Variants in DMXL2 observed in about 807,000 individuals in gnomAD.
DMXL2 encodes Dmx like 2, also known as dmX-like protein 2.
A neutral mutation model predicts 331.1 loss-of-function variants in DMXL2; 103 were observed. That is an observed-to-expected ratio of 0.31 (90% CI 0.27 to 0.37). DMXL2 has a LOEUF of 0.37. Among genes scored for constraint, DMXL2 ranks in the 10% least tolerant of loss-of-function variants. The pLI is 1.00. For synonymous variants in DMXL2, 1,281 were observed against 1,252.1 expected (o/e 1.02, Z -0.49); for missense variants, 3,171 against 3,642.9 (o/e 0.87, Z 3.33).
At chr15:51,459,022 G>C (rs576621807) in intron 34 of DMXL2, 83 of 497,226 alleles carry the variant, frequency 1.7e-4, no homozygotes, top group Non-Finnish European at 2.8e-4. Flanking sequence ...CACTGTGATG[G>C]TAAGATACTG....
chr15:51,517,713 T>G (rs1260242049), intron 13 of DMXL2, among the ~76,000 whole-genome samples: 1 of 152,218 alleles, frequency 6.6e-6, no homozygotes, highest in Admixed American at 6.5e-5. Context: ...CTGAAACGGT[T>G]GCCTCAGAAA....
intron 17 of DMXL2, among the ~76,000 whole-genome samples, chr15:51,501,013 T>C (rs534073501): frequency 7.9e-5 from 12 of 152,358 alleles, no homozygotes; most frequent in South Asian, 4.1e-4. Flanking sequence ...TAGATTACTA[T>C]TGTCAAATAA....
At chr15:51,560,440 T>C (rs2141019916) in intron 6 of DMXL2, among the ~76,000 whole-genome samples, 1 of 141,834 alleles carries the variant, frequency 7.1e-6, no homozygotes, top group East Asian at 2.1e-4. Flanking sequence ...TTTTTTAATT[T>C]AGGGCATCAT....
At chr15:51,469,679 T>C (rs543154160) in intron 29 of DMXL2, among the ~76,000 whole-genome samples, 8 of 152,188 alleles carry the variant, frequency 5.3e-5, no homozygotes, top group Non-Finnish European at 1.0e-4. Context: ...ACATTACCAT[T>C]TACAAATCTT....
chr15:51,505,003 G>T (rs2043955348), intron 16 of DMXL2, among the ~76,000 whole-genome samples: 1 of 152,146 alleles, frequency 6.6e-6, no homozygotes, highest in African/African-American at 2.4e-5. Flanking sequence ...AATGGGACTT[G>T]GTCAAGTTAC....
At chr15:51,549,692 G>T (rs2049091036) in intron 6 of DMXL2, among the ~76,000 whole-genome samples, 2 of 152,074 alleles carry the variant, frequency 1.3e-5, no homozygotes, top group Admixed American at 6.6e-5. Context: ...GTTTTGGTTT[G>T]CATTTCCCTG....
chr15:51,496,084 A>C (rs569357553), intron 18 of DMXL2, among the ~76,000 whole-genome samples: 13 of 152,228 alleles, frequency 8.5e-5, no homozygotes, highest in Non-Finnish European at 1.9e-4. Flanking sequence ...GCCTCAAGCA[A>C]TCCTCCTACC....
At chr15:51,572,716 C>T (rs955435540) in intron 2 of DMXL2, among the ~76,000 whole-genome samples, 1 of 152,104 alleles carries the variant, frequency 6.6e-6, no homozygotes, top group Admixed American at 6.5e-5. Context: ...GCAGAAAAGG[C>T]CTTTGACAAA....
At chr15:51,604,334 A>G (rs1214399128) in intron 1 of DMXL2, among the ~76,000 whole-genome samples, 1 of 151,458 alleles carries the variant, frequency 6.6e-6, no homozygotes, top group Non-Finnish European at 1.5e-5. Flanking sequence ...ACATTGGAAA[A>G]GAAGAATTCA....
At chr15:51,518,265 G>A (rs907555891) in intron 13 of DMXL2, among the ~76,000 whole-genome samples, 4 of 152,184 alleles carry the variant, frequency 2.6e-5, no homozygotes, top group East Asian at 1.9e-4. Flanking sequence ...CCTGGGAGGC[G>A]GAGGTTGCAG....
At chr15:51,573,354 C>G (rs1441496959) in intron 2 of DMXL2, among the ~76,000 whole-genome samples, 2 of 152,040 alleles carry the variant, frequency 1.3e-5, no homozygotes, top group Non-Finnish European at 2.9e-5. Flanking sequence ...GGGTATATAC[C>G]CAAAGGATTA....
At chr15:51,600,762 A>G (rs4775961) in intron 1 of DMXL2, among the ~76,000 whole-genome samples, 72,740 of 151,894 alleles carry the variant, frequency 0.48, 17,797 homozygotes, top group Non-Finnish European at 0.52. Context: ...ATCTGCCAGT[A>G]TAAGTTTCCT....
At chr15:51,542,533 T>A in intron 8 of DMXL2, 26 bp from the exon 9 acceptor site, 1 of 1,577,390 alleles carries the variant, frequency 6.3e-7, no homozygotes, top group Non-Finnish European at 8.7e-7. Context: ...AGTTGCTGAG[T>A]CCAACTCTGG....
At chr15:51,581,795 G>C (rs2051441231) in intron 1 of DMXL2, among the ~76,000 whole-genome samples, 1 of 152,092 alleles carries the variant, frequency 6.6e-6, no homozygotes, top group African/African-American at 2.4e-5. Flanking sequence ...ATTTACTATA[G>C]AATAGTTGGA....
intron 2 of DMXL2, among the ~76,000 whole-genome samples, chr15:51,570,082 T>A (rs532388217): frequency 2.0e-5 from 3 of 152,054 alleles, no homozygotes; most frequent in Admixed American, 2.0e-4. Context: ...AATAATCAGC[T>A]TAGAGAGGAA....
At chr15:51,592,880 T>C (rs967655848) in intron 1 of DMXL2, among the ~76,000 whole-genome samples, 14 of 152,150 alleles carry the variant, frequency 9.2e-5, no homozygotes, top group Non-Finnish European at 1.6e-4. Flanking sequence ...ATTTTGTCAC[T>C]GCCAGGCCTG....
intron 13 of DMXL2, 81 bp from the exon 14 acceptor site, chr15:51,517,248 A>C: frequency 3.0e-6 from 3 of 1,002,726 alleles, no homozygotes; most frequent in Non-Finnish European, 3.1e-6. Context: ...TGGACATTTA[A>C]GGCCCCCTCT....
Position 51,480,735 on chromosome 15 carries a change from T to A in DMXL2, c.6371A>T (p.Tyr2124Phe). 6.2e-7 allele frequency: 1 copy of A among 1,602,556 alleles called. No homozygotes were observed. The highest frequency in any genetic ancestry group is 8.5e-7 in the Non-Finnish European group (1 of 1,172,092). The change falls in exon 24 of 44, where the codon TAT becomes TTT. Residue 2124 changes from tyrosine (Y) to phenylalanine (F), a missense_variant. Coordinates refer to ENST00000560891, the MANE Select transcript of DMXL2 (RefSeq NM_001378457.1). ...TCTTCTTTCTATTTGATGGCGCTCA[T>A]AGGAACCAATATCTGGTTTGTCTAC... Reference protein sequence around the residue: ...EMVDKPDIGSYERHQIERRRL... With the variant: ...EMVDKPDIGSFERHQIERRRL...
chr15:51,553,452 C>T (rs1193802789), intron 6 of DMXL2, among the ~76,000 whole-genome samples: 1 of 152,100 alleles, frequency 6.6e-6, no homozygotes, highest in Non-Finnish European at 1.5e-5. Context: ...TTCTAAAATG[C>T]ATTTTCTTTG....
Sources: allele counts gnomAD v4.1 joint callset (sites outside exome capture counted in the v4.1 genomes callset), GRCh38; gene constraint gnomAD v4.1.1; transcripts MANE v1.5; gene names NCBI Gene and HGNC (gene_info 2026-07-23, HGNC 2026-07-21).